The following TRIM26 variants were observed in gnomAD, a reference collection of about 807,000 sequenced individuals.
The protein encoded by TRIM26 is tripartite motif containing 26.
TRIM26 carries 16 observed loss-of-function variants against 45.5 expected under a neutral mutation model. That is an observed-to-expected ratio of 0.35 (90% confidence interval 0.24 to 0.53). The LOEUF (loss-of-function observed/expected upper bound fraction) is 0.53, where lower values mean the gene tolerates loss of function less well. Ranked by LOEUF, TRIM26 falls within the 20% of genes least tolerant of loss-of-function variation. The pLI is 0.92. For missense variants in TRIM26, 442 were observed against 691.1 expected, an observed-to-expected ratio of 0.64 and a Z score of 4.04; for synonymous variants, 273 against 290.4, an observed-to-expected ratio of 0.94 and a Z score of 0.61.
In TRIM26 at chr6:30,198,679, G is replaced by T; in HGVS notation, c.425C>A (p.Ala142Asp). 6.2e-7 allele frequency: 1 copy of T among 1,604,542 alleles called. No homozygotes were observed. The highest frequency in any genetic ancestry group is 8.5e-7 in the Non-Finnish European group (1 of 1,178,534). ...PHTAVLMEKA[A>D]QPHREKILNH... is the part of the protein sequence containing the mutation. Reference sequence around the variant, plus strand: ...AAGAGGGCTTACCCTGTGGGGCTGGGCGGCCTTCTCCATGAGGACGGCCGT... The same window carrying T: ...AAGAGGGCTTACCCTGTGGGGCTGGTCGGCCTTCTCCATGAGGACGGCCGT... Residue 142 changes from alanine (A) to aspartate (D), a missense_variant, in exon 4 of 10, where the codon GCC becomes GAC. Coordinates refer to ENST00000454678, the MANE Select transcript of TRIM26 (RefSeq NM_003449.5). This position sits in a 1 kb window ranked among gnomAD's most constrained non-coding sequence, Gnocchi z 6.3.
In TRIM26 at chr6:30,185,762, TG is replaced by T. The variant is rs1191335609; in HGVS notation, c.*113del. ...ATGGGGAGGTGGCTACCAGTGGATA[TG>T]GGGTCCCCTGCTCCAGGTGCTTAGG... On this transcript the variant is annotated 3_prime_UTR_variant, in exon 10 of 10. Transcript: ENST00000454678. This position sits in a 1 kb window ranked among gnomAD's most constrained non-coding sequence, Gnocchi z 5.7. The T allele has an allele frequency of 2.5e-6, 3 of 1,219,752 alleles. No individual in the cohort carries two copies. Among genetic ancestry groups the T allele is most frequent in the Non-Finnish European group, 3.4e-6 (3 of 881,748 alleles). The allele number at this position is 1,219,752 out of a possible 1,614,324, so 75.6% of individuals were successfully genotyped here.
chr6:30,208,904 ATG>A (rs9278612), intron 1 of TRIM26, among the ~76,000 whole-genome samples: 26,691 of 139,998 alleles, frequency 0.19, 2,790 homozygotes, highest in African/African-American at 0.28. Context: ...GATATAGAAT[ATG>A]TGTGTGTGTG....
At chr6:30,191,404 TAAAAA>T (rs5875241) in intron 6 of TRIM26, among the ~76,000 whole-genome samples, 1 of 127,284 alleles carries the variant, frequency 7.9e-6, no homozygotes, top group Non-Finnish European at 1.6e-5. Flanking sequence ...TCAGAACAGT[TAAAAA>T]AAAAAAAAAA....
intron 6 of TRIM26, among the ~76,000 whole-genome samples, chr6:30,192,269 G>A (rs954162539): frequency 2.6e-5 from 4 of 152,176 alleles, no homozygotes; most frequent in African/African-American, 7.2e-5. Flanking sequence ...GGATGTGCCC[G>A]GTTACTAAGA....
At chr6:30,202,187 C>T (rs1429788182) in intron 2 of TRIM26, among the ~76,000 whole-genome samples, 4 of 152,134 alleles carry the variant, frequency 2.6e-5, no homozygotes, top group African/African-American at 4.8e-5. Context: ...CCATGCAAAA[C>T]AGGACACCTC....
In TRIM26 at chr6:30,190,073, A is replaced by G; in HGVS notation, c.766-38T>C. On this transcript the variant is annotated intron_variant, in intron 6 of 9. Coordinates refer to ENST00000454678, the MANE Select transcript of TRIM26 (RefSeq NM_003449.5). This position sits in a 1 kb window ranked among gnomAD's most constrained non-coding sequence, Gnocchi z 4.3. ...GAAAAAAGCACAAGTATCAATATGA[A>G]TCAAATAAGACTTCAATGCATCTGC... 1 of 1,610,872 alleles carries G rather than the reference A, an allele frequency of 6.2e-7. No individual in the cohort carries two copies. The highest frequency in any genetic ancestry group is 1.3e-5 in the African/African-American group (1 of 75,000).
Position 30,198,116 on chromosome 6 carries a change from A to C in TRIM26, c.534+313T>G, listed in dbSNP as rs1438150355. Among the ~76,000 whole-genome samples the C allele has an allele frequency of 6.6e-6, 1 of 152,202 alleles. No homozygotes were observed. The highest frequency in any genetic ancestry group is 1.5e-5 in the Non-Finnish European group (1 of 68,032). On this transcript the variant is annotated intron_variant, in intron 5 of 9. Transcript: ENST00000454678. The surrounding 1 kb of genome is among the most constrained non-coding windows in gnomAD (Gnocchi z 6.3). ...GGAAGAATGAAGCCACACCTTCTTC[A>C]GTCCCCTGGCAGAAGAGAACCAGCA...
chr6:30,199,157 GGAGAC>G lies in TRIM26; in HGVS notation c.-59_-55del. 1 of 1,503,488 alleles carries G rather than the reference GGAGAC, an allele frequency of 6.7e-7. No homozygotes were observed. Among genetic ancestry groups the G allele is most frequent in the Non-Finnish European group, 8.9e-7 (1 of 1,122,724 alleles). 93.1% of individuals were successfully genotyped at this position (1,503,488 alleles called of 1,614,324 possible). A position where few individuals can be genotyped will look rare whatever the true frequency, so the allele number is the denominator to read the frequency against. ...TCACTGGTGAGGACTTCTTCTCCTTGGAGACGCGACATAGAGTCAGGAGCAAGCAC... is the reference window on the plus strand; with the variant it reads ...TCACTGGTGAGGACTTCTTCTCCTTGGCGACATAGAGTCAGGAGCAAGCAC... On this transcript the variant is annotated 5_prime_UTR_variant, in exon 4 of 10. It introduces an in-frame stop codon into an upstream open reading frame of the 5' UTR. Coordinates refer to ENST00000454678, the MANE Select transcript of TRIM26 (RefSeq NM_003449.5).
chr6:30,188,470 A>T (rs1775454883), intron 9 of TRIM26: 1 of 273,804 alleles, frequency 3.7e-6, no homozygotes, highest in Non-Finnish European at 7.4e-6. Context: ...TGATAGGTAA[A>T]ATTTGACGGT....
In TRIM26 at chr6:30,199,185, C is replaced by A. The variant is rs1776838382; in HGVS notation, c.-82G>T. ...GACGCGACATAGAGTCAGGAGCAAG[C>A]ACAGTAAAGGGGCAAAGGTGGCAGC... On this transcript the variant is annotated 5_prime_UTR_variant, in exon 4 of 10. Transcript: ENST00000454678. 4 of 1,431,372 alleles carry A rather than the reference C, an allele frequency of 2.8e-6. No homozygotes were observed. The Admixed American group carries it at 1.0e-4, about 36-fold the overall frequency. 88.7% of individuals were successfully genotyped at this position (1,431,372 alleles called of 1,614,324 possible).
intron 9 of TRIM26, chr6:30,187,290 C>A: frequency 3.3e-6 from 1 of 305,316 alleles, no homozygotes; most frequent in South Asian, 3.5e-5. Flanking sequence ...CTGACCCTGT[C>A]AACTTCAGCA....
chr6:30,209,704 A>T lies in TRIM26; in HGVS notation c.-376+3601T>A, dbSNP rs1051106099. Among the ~76,000 whole-genome samples the T allele has an allele frequency of 6.6e-6, 1 of 152,054 alleles. No homozygotes were observed. Among genetic ancestry groups the T allele is most frequent in the African/African-American group, 2.4e-5 (1 of 41,398 alleles). ...TCATCCTTGTTATTCTCCTGCTTCA[A>T]ATCTCCTAGCTGAGGCTGGGTTTGG... On this transcript the variant is annotated intron_variant, in intron 1 of 9. Coordinates refer to ENST00000454678, the MANE Select transcript of TRIM26 (RefSeq NM_003449.5). The surrounding 1 kb of genome is among the most constrained non-coding windows in gnomAD (Gnocchi z 4.8).
At chr6:30,197,531 C>T (rs1776617077) in intron 5 of TRIM26, among the ~76,000 whole-genome samples, 1 of 152,188 alleles carries the variant, frequency 6.6e-6, no homozygotes, top group African/African-American at 2.4e-5. Context: ...CAGTTCCCCC[C>T]AACCCCATCT....
At chr6:30,202,023 C>T (rs1186226032) in intron 2 of TRIM26, among the ~76,000 whole-genome samples, 1 of 152,178 alleles carries the variant, frequency 6.6e-6, no homozygotes, top group Non-Finnish European at 1.5e-5. Flanking sequence ...CTTTATCATG[C>T]CTCTTTGCCA....
intron 1 of TRIM26, among the ~76,000 whole-genome samples, chr6:30,208,534 C>CGG (rs1777951073): frequency 8.4e-6 from 1 of 119,500 alleles, no homozygotes; most frequent in African/African-American, 3.3e-5. Flanking sequence ...TTTTTTTTTT[C>CGG]CATGTATTTG....
Position 30,207,518 on chromosome 6 carries a change from C to T in TRIM26, c.-375-2753G>A, listed in dbSNP as rs1048503386. ...ACTCTGGCCTTTTGATCCTCAAACACACTCGGTCACGTGTTAAACTGCCAA... is the reference window on the plus strand; with the variant it reads ...ACTCTGGCCTTTTGATCCTCAAACATACTCGGTCACGTGTTAAACTGCCAA... On this transcript the variant is annotated intron_variant, in intron 1 of 9. Transcript: ENST00000454678. The surrounding 1 kb of genome is among the most constrained non-coding windows in gnomAD (Gnocchi z 4.9). 2.4e-4 allele frequency among the ~76,000 whole-genome samples: 37 copies of T among 152,190 alleles called. No homozygotes were observed. The highest frequency in any genetic ancestry group is 8.2e-4 in the African/African-American group (34 of 41,448).
chr6:30,193,522 G>C (rs1776166429), intron 6 of TRIM26, among the ~76,000 whole-genome samples: 1 of 151,958 alleles, frequency 6.6e-6, no homozygotes, highest in South Asian at 2.1e-4. Flanking sequence ...CTCCAGTTTT[G>C]TTCTTTTTGC....
At chr6:30,187,006 G>A in intron 9 of TRIM26, 1 of 400,064 alleles carries the variant, frequency 2.5e-6, no homozygotes. Context: ...ATCAGCTGCA[G>A]TGAAAGGAAC....
Position 30,189,623 on chromosome 6 carries a change from G to A in TRIM26, c.789-90C>T. 2 of 1,148,296 alleles carry A rather than the reference G, an allele frequency of 1.7e-6. No homozygotes were observed. The highest frequency in any genetic ancestry group is 2.6e-6 in the Non-Finnish European group (2 of 774,390). 71.1% of individuals were successfully genotyped at this position (1,148,296 alleles called of 1,614,324 possible). A position where few individuals can be genotyped will look rare whatever the true frequency, so the allele number is the denominator to read the frequency against. On this transcript the variant is annotated intron_variant, in intron 7 of 9. Coordinates refer to ENST00000454678, the MANE Select transcript of TRIM26 (RefSeq NM_003449.5). This position sits in a 1 kb window ranked among gnomAD's most constrained non-coding sequence, Gnocchi z 5.0. Reference sequence around the variant, plus strand: ...CTCAATCCTCATGGCAATTATGAAGGGGAGAGGAAAGGTATGATTATCCCC... The same window carrying A: ...CTCAATCCTCATGGCAATTATGAAGAGGAGAGGAAAGGTATGATTATCCCC...
Sources: gnomAD v4.1 joint callset for allele counts (sites outside exome capture counted in the v4.1 genomes callset) on GRCh38, gnomAD v4.1.1 for gene constraint, Gnocchi (gnomAD v3.1) non-coding constraint, MANE v1.5 for transcripts, NCBI Gene and HGNC (gene_info 2026-07-23, HGNC 2026-07-21) for gene names.